The following COL28A1 variants were observed in gnomAD, a reference collection of about 807,000 sequenced individuals.
COL28A1 encodes collagen type XXVIII alpha 1 chain, also known as collagen alpha-1(XXVIII) chain.
In COL28A1, 161 loss-of-function variants were observed where a neutral mutation model predicts 150.2. The ratio of observed to expected loss-of-function variants is 1.07; its 90% CI spans 0.94 to 1.22. COL28A1 has a LOEUF of 1.22. COL28A1 is among the 50% of genes most tolerant of loss of function. The pLI is 0.00. For missense variants in COL28A1, 1,617 were observed against 1,388.3 expected (o/e 1.16, Z -2.62); for synonymous variants, 552 against 469.7 (o/e 1.18, Z -2.26).
intron 25 of COL28A1, 44 bp from the exon 26 acceptor site, chr7:7,419,997 C>T: frequency 2.2e-6 from 3 of 1,365,268 alleles, no homozygotes; most frequent in Non-Finnish European, 3.0e-6. Flanking sequence ...TTTTTAAAGA[C>T]TTTATGTTTT....
At chr7:7,422,757 C>T (rs185416406) in intron 25 of COL28A1, among the ~76,000 whole-genome samples, 1 of 152,116 alleles carries the variant, frequency 6.6e-6, no homozygotes, top group African/African-American at 2.4e-5. Context: ...GATGTAAACA[C>T]GTCTCTTGAC....
At chr7:7,459,169 T>C (rs1024764751) in intron 15 of COL28A1, among the ~76,000 whole-genome samples, 4 of 152,190 alleles carry the variant, frequency 2.6e-5, no homozygotes, top group African/African-American at 9.6e-5. Context: ...AATGTAAAAA[T>C]AACATGCACC....
chr7:7,428,561 G>A (rs778214830), intron 25 of COL28A1, among the ~76,000 whole-genome samples: 6 of 152,190 alleles, frequency 3.9e-5, no homozygotes, highest in African/African-American at 9.7e-5. Context: ...GAAATGAGAC[G>A]TATGGCATGT....
intron 11 of COL28A1, among the ~76,000 whole-genome samples, chr7:7,504,548 C>A (rs1780706904): frequency 6.6e-6 from 1 of 151,986 alleles, no homozygotes; most frequent in Admixed American, 6.6e-5. Flanking sequence ...GGAGGAACAC[C>A]TTTTTATGGA....
chr7:7,456,219 AAAAAAATTC>A, intron 15 of COL28A1, 107 bp from the exon 16 acceptor site: 1 of 1,352,662 alleles, frequency 7.4e-7, no homozygotes, highest in African/African-American at 1.5e-5. Flanking sequence ...TTATACTATA[AAAAAAATTC>A]AACATGGAAA....
intron 27 of COL28A1, among the ~76,000 whole-genome samples, chr7:7,397,848 G>A (rs1204668579): frequency 6.6e-6 from 1 of 152,270 alleles, no homozygotes; most frequent in East Asian, 1.9e-4. Flanking sequence ...CCTAATTCTT[G>A]AGCTCCATTC....
At chr7:7,500,180 T>G (rs1355328449) in intron 11 of COL28A1, among the ~76,000 whole-genome samples, 3 of 152,212 alleles carry the variant, frequency 2.0e-5, no homozygotes, top group Admixed American at 6.5e-5. Flanking sequence ...TTGACCCTTC[T>G]ACTGAAATTA....
At chr7:7,533,411 T>C (rs1371135209) in intron 1 of COL28A1, among the ~76,000 whole-genome samples, 1 of 152,114 alleles carries the variant, frequency 6.6e-6, no homozygotes, top group African/African-American at 2.4e-5. Context: ...ATAACTTCAG[T>C]GAGTTCAGAG....
At chr7:7,480,627 C>A (rs1789312248) in intron 13 of COL28A1, among the ~76,000 whole-genome samples, 1 of 151,962 alleles carries the variant, frequency 6.6e-6, no homozygotes, top group Non-Finnish European at 1.5e-5. Context: ...AAAAAAAACA[C>A]AATTTATATT....
intron 31 of COL28A1, among the ~76,000 whole-genome samples, chr7:7,374,522 C>T (rs1250542573): frequency 5.3e-5 from 8 of 151,916 alleles, no homozygotes; most frequent in Admixed American, 1.3e-4. Context: ...GGGAGTAATC[C>T]CCGAGAACAC....
intron 8 of COL28A1, among the ~76,000 whole-genome samples, chr7:7,513,524 T>C (rs995472160): frequency 1.3e-5 from 2 of 152,228 alleles, no homozygotes; most frequent in African/African-American, 4.8e-5. Flanking sequence ...TCACATCCTT[T>C]CGTGAGTCAA....
chr7:7,428,452 T>C (rs1454673356), intron 25 of COL28A1, among the ~76,000 whole-genome samples: 1 of 152,234 alleles, frequency 6.6e-6, no homozygotes, highest in Non-Finnish European at 1.5e-5. Context: ...TAAACTCTTA[T>C]ATCAGAGACA....
intron 27 of COL28A1, among the ~76,000 whole-genome samples, chr7:7,395,028 AT>A (rs1489531143): frequency 1.3e-5 from 2 of 152,192 alleles, no homozygotes; most frequent in African/African-American, 4.8e-5. Context: ...ATGGTGGCTT[AT>A]GCCTGTAATC....
At chr7:7,367,307 C>A (rs1583223663) in intron 33 of COL28A1, among the ~76,000 whole-genome samples, 1 of 152,216 alleles carries the variant, frequency 6.6e-6, no homozygotes, top group East Asian at 1.9e-4. Context: ...AGAAAGTGTC[C>A]CTGTCATTAA....
chr7:7,417,874 T>A lies in COL28A1; in HGVS notation c.2121A>T (p.Gly707=). 6.2e-7 allele frequency: 1 copy of A among 1,613,388 alleles called. No homozygotes were observed. The highest frequency in any genetic ancestry group is 8.5e-7 in the Non-Finnish European group (1 of 1,179,628). The change falls in exon 27 of 35, where the codon GGA becomes GGT. Residue 707 remains glycine (G), a synonymous_variant. Coordinates refer to ENST00000399429, the MANE Select transcript of COL28A1 (RefSeq NM_001037763.3). ...LPGPPGPPGY[G]SQGIKGEQGP... ...ATTCACTTACTTTAATTCCCTGTGATCCATAGCCAGGGGGGCCAGGAGGGC... is the reference window on the plus strand; with the variant it reads ...ATTCACTTACTTTAATTCCCTGTGAACCATAGCCAGGGGGGCCAGGAGGGC...
At chr7:7,387,569 T>C (rs1300001711) in intron 27 of COL28A1, among the ~76,000 whole-genome samples, 2 of 151,954 alleles carry the variant, frequency 1.3e-5, no homozygotes, top group African/African-American at 4.8e-5. Context: ...TCTCAAGCGT[T>C]GCAGAAAAAT....
chr7:7,481,063 T>C (rs1037682809), intron 13 of COL28A1, among the ~76,000 whole-genome samples: 5 of 152,244 alleles, frequency 3.3e-5, no homozygotes, highest in Admixed American at 3.3e-4. Context: ...TTGCTAAGAA[T>C]GTCCTTTCAT....
intron 33 of COL28A1, among the ~76,000 whole-genome samples, chr7:7,370,022 C>T (rs1361730573): frequency 6.6e-6 from 1 of 152,018 alleles, no homozygotes; most frequent in Non-Finnish European, 1.5e-5. Context: ...AAAAAAGGCT[C>T]CCCCATTTTC....
Position 7,373,979 on chromosome 7 carries a change from G to T in COL28A1, c.2360-433C>A, listed in dbSNP as rs930258257. ...CTCCCAAAGTGCTGGGATTACAGGC[G>T]TGAGCCACCGCGCCCGGCCCCTTCT... On this transcript the variant is annotated intron_variant, in intron 31 of 34. Transcript: ENST00000399429. The surrounding 1 kb of genome is among the most constrained non-coding windows in gnomAD (Gnocchi z 4.1). Among the ~76,000 whole-genome samples, 1 of 146,372 alleles carries T rather than the reference G, an allele frequency of 6.8e-6. No homozygotes were observed. Among genetic ancestry groups the T allele is most frequent in the Admixed American group, 6.8e-5 (1 of 14,742 alleles).
Sources: allele counts gnomAD v4.1 joint callset (sites outside exome capture counted in the v4.1 genomes callset), GRCh38; gene constraint gnomAD v4.1.1; non-coding constraint Gnocchi (gnomAD v3.1); transcripts MANE v1.5; gene names NCBI Gene and HGNC (gene_info 2026-07-23, HGNC 2026-07-21).